Variants in KLHL22 observed in about 807,000 individuals in gnomAD.
KLHL22 encodes the protein kelch like family member 22.
Under a neutral mutation model 60.7 loss-of-function variants are expected in KLHL22, and 18 were observed. The observed-to-expected ratio is 0.30, with a 90% confidence interval of 0.20 to 0.44. The LOEUF is 0.44. Ranked by LOEUF, KLHL22 falls within the 20% of genes least tolerant of loss-of-function variation. The pLI is 1.00. For synonymous variants in KLHL22, 355 were observed against 354.5 expected, an observed-to-expected ratio of 1.00 and a Z score of -0.01; for missense variants, 596 against 852.3, an observed-to-expected ratio of 0.70 and a Z score of 3.74.
intron 3 of KLHL22, among the ~76,000 whole-genome samples, chr22:20,466,365 C>T (rs1407079261): frequency 9.4e-6 from 1 of 106,800 alleles, no homozygotes; most frequent in Non-Finnish European, 1.8e-5. Flanking sequence ...CAGAGCGAGA[C>T]TCCGTCTAAA....
intron 3 of KLHL22, among the ~76,000 whole-genome samples, chr22:20,466,732 G>A (rs2053242936): frequency 6.6e-6 from 1 of 152,204 alleles, no homozygotes; most frequent in Non-Finnish European, 1.5e-5. Context: ...CAAGATCATA[G>A]CTCACCGAAG....
At chr22:20,447,544 C>CTTTT (rs11463939) in intron 5 of KLHL22, among the ~76,000 whole-genome samples, 7,988 of 135,348 alleles carry the variant, frequency 0.059, 649 homozygotes, top group East Asian at 0.43. Context: ...GGAGGTTTTT[C>CTTTT]TTTTTTTTTT....
At chr22:20,482,056 G>C (rs909097374) in intron 2 of KLHL22, 1 of 152,018 alleles carries the variant, frequency 6.6e-6, no homozygotes, top group African/African-American at 2.4e-5. Flanking sequence ...CTCTTTTTAG[G>C]CAACCCTGCT....
chr22:20,449,909 G>A (rs976385439), intron 5 of KLHL22, among the ~76,000 whole-genome samples: 4 of 152,110 alleles, frequency 2.6e-5, no homozygotes, highest in African/African-American at 7.2e-5. Context: ...TGGTCATCAC[G>A]TCGCGTGGCC....
intron 4 of KLHL22, among the ~76,000 whole-genome samples, 183 bp downstream of exon 4, chr22:20,464,675 A>C (rs2053203296): frequency 6.6e-6 from 1 of 152,154 alleles, no homozygotes; most frequent in South Asian, 2.1e-4. Context: ...AAGGCGATCC[A>C]CATGTCCCCT....
In KLHL22 at chr22:20,489,029, G is replaced by C; in HGVS notation, c.183C>G (p.Ile61Met). The C allele has an allele frequency of 1.2e-6, 2 of 1,614,034 alleles. No individual in the cohort carries two copies. The highest frequency in any genetic ancestry group is 1.3e-5 in the African/African-American group (1 of 75,032). The change falls in exon 2 of 7, where the codon ATC becomes ATG. Residue 61 changes from isoleucine (I) to methionine (M), a missense_variant. Coordinates refer to ENST00000328879, the MANE Select transcript of KLHL22 (RefSeq NM_032775.4). ...DVVLVVEGRH[I>M]EAHRILLAAS... Reference sequence around the variant, plus strand: ...CAGCCAGCAGGATGCGATGGGCCTCGATGTGTCTGCCCTCCACCACCAGCA... The same window carrying C: ...CAGCCAGCAGGATGCGATGGGCCTCCATGTGTCTGCCCTCCACCACCAGCA...
chr22:20,449,476 C>G (rs1253151981), intron 5 of KLHL22, among the ~76,000 whole-genome samples: 3 of 152,198 alleles, frequency 2.0e-5, no homozygotes, highest in Non-Finnish European at 4.4e-5. Context: ...TCTCGGCTCA[C>G]TGCAACCTCT....
At chr22:20,483,505 G>C in intron 2 of KLHL22, 1 of 732,776 alleles carries the variant, frequency 1.4e-6, no homozygotes, top group Admixed American at 1.8e-5. Context: ...TTCGATCTCT[G>C]TCTCCAGCTA....
chr22:20,451,208 C>T lies in KLHL22; in HGVS notation c.1306-4532G>A. On this transcript the variant is annotated intron_variant, in intron 5 of 6. Coordinates refer to ENST00000328879, the MANE Select transcript of KLHL22 (RefSeq NM_032775.4). Reference sequence around the variant, plus strand: ...GATGGGGTCTGGTATTCTGTGGCCCCTATGAATGTCTGATGAGGTCTTGCT... The same window carrying T: ...GATGGGGTCTGGTATTCTGTGGCCCTTATGAATGTCTGATGAGGTCTTGCT... 2.5e-6 allele frequency: 4 copies of T among 1,598,492 alleles called. No homozygotes were observed. In the South Asian group the frequency reaches 4.4e-5, roughly 18 times the overall value.
At chr22:20,476,391 T>C (rs2053412377) in intron 2 of KLHL22, among the ~76,000 whole-genome samples, 1 of 149,084 alleles carries the variant, frequency 6.7e-6, no homozygotes, top group Non-Finnish European at 1.5e-5. Flanking sequence ...GTGTGGGTGC[T>C]TGGATTGACA....
At chr22:20,445,448 C>A (rs1180441494) in intron 6 of KLHL22, among the ~76,000 whole-genome samples, 1 of 152,126 alleles carries the variant, frequency 6.6e-6, no homozygotes, top group Non-Finnish European at 1.5e-5. Flanking sequence ...CCTCGTGATC[C>A]ACCTGCCTCA....
rs757650182 is a variant in KLHL22, at chr22:20,451,673, G to A, written c.1306-4997C>T. 25 of 1,605,008 alleles carry A rather than the reference G, an allele frequency of 1.6e-5. 1 individual carries two copies. The highest frequency in any genetic ancestry group is 6.7e-5 in the African/African-American group (5 of 74,716). ...TGCTATGTAGGGGCCACAGTGCTTC[G>A]GGGGAGACTCTATGCAATTGCAGGA... is the stretch of plus-strand genomic sequence containing the variant. On this transcript the variant is annotated intron_variant, in intron 5 of 6. Coordinates refer to ENST00000328879, the MANE Select transcript of KLHL22 (RefSeq NM_032775.4).
chr22:20,478,367 G>A (rs1003851392), intron 2 of KLHL22, among the ~76,000 whole-genome samples: 7 of 150,052 alleles, frequency 4.7e-5, no homozygotes, highest in African/African-American at 1.7e-4. Context: ...CACCACACCC[G>A]GCTAATTTTG....
At chr22:20,473,499 G>A (rs897288198) in intron 2 of KLHL22, among the ~76,000 whole-genome samples, 3 of 152,206 alleles carry the variant, frequency 2.0e-5, no homozygotes, top group Non-Finnish European at 4.4e-5. Flanking sequence ...ACAGCAACAT[G>A]AAGATTATAA....
intron 5 of KLHL22, chr22:20,451,413 A>G (rs2052976476): frequency 6.2e-7 from 1 of 1,609,032 alleles, no homozygotes; most frequent in South Asian, 1.1e-5. Context: ...ACTGTCTAGG[A>G]GGATATGACG....
chr22:20,441,728 C>T lies in KLHL22; in HGVS notation c.*345G>A. 4.1e-6 allele frequency: 1 copy of T among 241,512 alleles called. No individual in the cohort carries two copies. Among genetic ancestry groups the T allele is most frequent in the Non-Finnish European group, 8.5e-6 (1 of 118,088 alleles). The allele number at this position is 241,512 out of a possible 1,614,324, so 15.0% of individuals were successfully genotyped here. On this transcript the variant is annotated 3_prime_UTR_variant, in exon 7 of 7. Transcript: ENST00000328879. ...ACAGAAAGAGGGCTACCACGTGCCT[C>T]AGCCCCCCTGCCCAGGCTGCCAGCT...
chr22:20,462,377 CAG>C (rs946045793), intron 4 of KLHL22, among the ~76,000 whole-genome samples: 72 of 151,468 alleles, frequency 4.8e-4, no homozygotes, highest in African/African-American at 1.7e-3. Flanking sequence ...TTTTTAGAGA[CAG>C]GGTCTCACTC....
intron 1 of KLHL22, among the ~76,000 whole-genome samples, chr22:20,490,719 A>G (rs535653208): frequency 6.6e-5 from 10 of 152,306 alleles, no homozygotes; most frequent in Admixed American, 2.6e-4. Flanking sequence ...GGAGCACACA[A>G]TCTGGACCCC....
rs2053640180 is a variant in KLHL22, at chr22:20,489,166, G to A, written c.46C>T (p.Gln16Ter). 1 of 1,614,018 alleles carries A rather than the reference G, an allele frequency of 6.2e-7. No individual in the cohort carries two copies. The highest frequency in any genetic ancestry group is 1.3e-5 in the African/African-American group (1 of 74,902). Residue 16 changes from glutamine (Q) to a stop codon, truncating the protein, a stop_gained, in exon 2 of 7, where the codon CAG becomes TAG. Transcript: ENST00000328879. LOFTEE classifies it high-confidence loss of function. ...EFTQLCKLPA[Q>*]PSHPHCVNNT... ...TTCACGCAGTGTGGGTGTGAGGGCT[G>A]TGCAGGCAACTTGCAGAGCTGGGTG... is the stretch of plus-strand genomic sequence containing the variant.
Sources: gnomAD v4.1 joint callset for allele counts (sites outside exome capture counted in the v4.1 genomes callset) on GRCh38, gnomAD v4.1.1 for gene constraint, MANE v1.5 for transcripts, NCBI Gene and HGNC (gene_info 2026-07-23, HGNC 2026-07-21) for gene names.